Variants in PHLPP2 observed in about 807,000 individuals in gnomAD.
PHLPP2 encodes the protein PH domain leucine-rich repeat-containing protein phosphatase 2.
In PHLPP2, 66 loss-of-function variants were observed where a neutral mutation model predicts 124.9. The ratio of observed to expected loss-of-function variants is 0.53; its 90% CI spans 0.43 to 0.65. The LOEUF is 0.65. PHLPP2 is among the 30% of genes least tolerant of loss of function. The probability of loss-of-function intolerance (pLI) is 0.00; values close to 1 mark genes in which losing one functional copy is unlikely to be tolerated. For missense variants in PHLPP2, 1,685 were observed against 1,600.4 expected, an observed-to-expected ratio of 1.05 and a Z score of -0.90; for synonymous variants, 681 against 624.7, an observed-to-expected ratio of 1.09 and a Z score of -1.34.
intron 8 of PHLPP2, 161 bp from the exon 9 acceptor site, chr16:71,676,810 G>A (rs2044950666): frequency 1.0e-5 from 6 of 597,124 alleles, no homozygotes; most frequent in Admixed American, 5.8e-5. Context: ...GTGCAATGGC[G>A]TGATCTCGGT....
chr16:71,664,339 T>G, intron 12 of PHLPP2: 1 of 558,746 alleles, frequency 1.8e-6, no homozygotes, highest in Non-Finnish European at 3.2e-6. Flanking sequence ...TTCCCAGGCT[T>G]CTGGAGTGCC....
intron 4 of PHLPP2, among the ~76,000 whole-genome samples, chr16:71,689,847 T>C (rs1467023248): frequency 6.6e-6 from 1 of 152,102 alleles, no homozygotes; most frequent in Non-Finnish European, 1.5e-5. Flanking sequence ...ATTCTATCAA[T>C]ATTGCTGTGT....
At chr16:71,664,399 A>T (rs1383962084) in intron 12 of PHLPP2, among the ~76,000 whole-genome samples, 1 of 152,166 alleles carries the variant, frequency 6.6e-6, no homozygotes, top group African/African-American at 2.4e-5. Flanking sequence ...TACTGAAAGG[A>T]TGTTGCTGAA....
chr16:71,671,775 G>A (rs779130421), intron 10 of PHLPP2, among the ~76,000 whole-genome samples: 2 of 151,918 alleles, frequency 1.3e-5, no homozygotes, highest in Admixed American at 6.6e-5. Flanking sequence ...TTAGCCAGGC[G>A]TGGTGGTGGG....
intron 4 of PHLPP2, among the ~76,000 whole-genome samples, chr16:71,688,243 G>A (rs920728011): frequency 2.8e-4 from 42 of 152,126 alleles, no homozygotes; most frequent in South Asian, 1.2e-3. Context: ...AGAGGGTTCC[G>A]CTAGAAGATT....
chr16:71,677,828 C>T (rs544431984), intron 8 of PHLPP2: 2 of 152,136 alleles, frequency 1.3e-5, no homozygotes, highest in African/African-American at 2.4e-5. Context: ...CAAGAAGAAA[C>T]CCAATGACTC....
chr16:71,666,625 A>T (rs2044842537), intron 12 of PHLPP2, among the ~76,000 whole-genome samples: 1 of 152,272 alleles, frequency 6.6e-6, no homozygotes. Flanking sequence ...CAGGCCTAAA[A>T]TAGGAAGACA....
At chr16:71,685,662 A>T (rs2045048337) in intron 4 of PHLPP2, among the ~76,000 whole-genome samples, 1 of 152,220 alleles carries the variant, frequency 6.6e-6, no homozygotes, top group Admixed American at 6.5e-5. Flanking sequence ...GTCTGTGTCA[A>T]AATAAAGAAT....
chr16:71,653,507 G>C (rs1223798150), intron 17 of PHLPP2, among the ~76,000 whole-genome samples: 5 of 152,090 alleles, frequency 3.3e-5, no homozygotes, highest in East Asian at 3.9e-4. Context: ...TAAGTTCCTC[G>C]AGGGAAGGAC....
At chr16:71,678,482 A>G in intron 8 of PHLPP2, 1 of 348,220 alleles carries the variant, frequency 2.9e-6, no homozygotes, top group South Asian at 3.5e-5. Flanking sequence ...TACTAAAAGT[A>G]GAAAAAAATT....
At chr16:71,713,682 A>G (rs1353012678) in intron 2 of PHLPP2, among the ~76,000 whole-genome samples, 1 of 152,188 alleles carries the variant, frequency 6.6e-6, no homozygotes, top group East Asian at 1.9e-4. Flanking sequence ...GATCTCTAAA[A>G]GATATTAAGT....
intron 7 of PHLPP2, 71 bp from the exon 8 acceptor site, chr16:71,679,056 G>T: frequency 1.2e-6 from 1 of 846,792 alleles, no homozygotes; most frequent in Non-Finnish European, 1.9e-6. Flanking sequence ...CAGAGTTAGG[G>T]ATTCTGATTT....
At chr16:71,724,027 A>C (rs1597023820) in intron 1 of PHLPP2, 4 of 184,458 alleles carry the variant, frequency 2.2e-5, no homozygotes, top group Non-Finnish European at 4.1e-5. Context: ...GCTGGACCTA[A>C]GCAGCTGCCG....
chr16:71,648,557 G>GTCAAGAGT lies in PHLPP2; in HGVS notation c.*325_*332dup, dbSNP rs1596984025. The GTCAAGAGT allele has an allele frequency of 3.7e-6, 1 of 271,310 alleles. No homozygotes were observed. Among genetic ancestry groups the GTCAAGAGT allele is most frequent in the East Asian group, 7.5e-5 (1 of 13,314 alleles). 16.8% of individuals were successfully genotyped at this position (271,310 alleles called of 1,614,324 possible). A position where few individuals can be genotyped will look rare whatever the true frequency, so the allele number is the denominator to read the frequency against. On this transcript the variant is annotated 3_prime_UTR_variant, in exon 19 of 19. Coordinates refer to ENST00000568954, the MANE Select transcript of PHLPP2 (RefSeq NM_015020.3). ...GGCAGAGGAGGGTGGATCACCTGAG[G>GTCAAGAGT]TCAAGAGTTCAACACCAGCCTGGCC...
chr16:71,662,393 G>A (rs1416271667), intron 13 of PHLPP2, among the ~76,000 whole-genome samples: 1 of 151,790 alleles, frequency 6.6e-6, no homozygotes, highest in African/African-American at 2.4e-5. Flanking sequence ...CCACGCCACA[G>A]CACTCCAGCC....
At chr16:71,714,906 G>A (rs1009894282) in intron 1 of PHLPP2, 105 bp from the exon 2 acceptor site, 1 of 1,383,476 alleles carries the variant, frequency 7.2e-7, no homozygotes, top group Non-Finnish European at 9.6e-7. Context: ...CCAACATTCT[G>A]CTCAAGTATC....
At chr16:71,714,941 A>G (rs1314221762) in intron 1 of PHLPP2, 140 bp from the exon 2 acceptor site, 4 of 1,012,780 alleles carry the variant, frequency 3.9e-6, no homozygotes, top group Non-Finnish European at 5.6e-6. Context: ...AGCACTTCAC[A>G]TCTATCATGC....
Position 71,649,444 on chromosome 16 carries a change from T to A in PHLPP2, c.3418A>T (p.Ser1140Cys). 1 of 1,614,110 alleles carries A rather than the reference T, an allele frequency of 6.2e-7. No homozygotes were observed. The highest frequency in any genetic ancestry group is 8.5e-7 in the Non-Finnish European group (1 of 1,180,000). The change falls in exon 19 of 19, where the codon AGT becomes TGT. Residue 1140 changes from serine to cysteine, a missense_variant. Ser to Cys is a moderately radical substitution (Grantham distance 112, BLOSUM62 -1). Coordinates refer to ENST00000568954, the MANE Select transcript of PHLPP2 (RefSeq NM_015020.3). ...QRQPSSATFS[S>C]NQSDNGLDSD... ...TCCAGGCCGTTGTCAGACTGGTTAC[T>A]GGAGAAGGTAGCAGAAGAAGGCTGG...
intron 1 of PHLPP2, 108 bp from the exon 2 acceptor site, chr16:71,714,909 C>G: frequency 7.4e-7 from 1 of 1,350,056 alleles, no homozygotes; most frequent in Non-Finnish European, 9.9e-7. Context: ...ACATTCTGCT[C>G]AAGTATCCCC....
Sources: allele counts gnomAD v4.1 joint callset (sites outside exome capture counted in the v4.1 genomes callset), GRCh38; gene constraint gnomAD v4.1.1; transcripts MANE v1.5; gene names NCBI Gene and HGNC (gene_info 2026-07-23, HGNC 2026-07-21).